Variants in POMT1 observed in about 807,000 individuals in gnomAD.
POMT1 encodes the protein protein O-mannosyltransferase 1.
POMT1 carries 85 observed loss-of-function variants against 101.6 expected under a neutral mutation model. That is an observed-to-expected ratio of 0.84 (90% CI 0.70 to 1.00). The LOEUF is 1.00. POMT1 is among the 50% of genes least tolerant of loss of function. POMT1 has a pLI of 0.00. For missense variants in POMT1, 857 were observed against 930.4 expected, an observed-to-expected ratio of 0.92 and a Z score of 1.03; for synonymous variants, 371 against 383.0, an observed-to-expected ratio of 0.97 and a Z score of 0.37.
chr9:131,518,692 T>G (rs1291702698), intron 14 of POMT1, 145 bp from the exon 15 acceptor site: 6 of 1,477,762 alleles, frequency 4.1e-6, no homozygotes, highest in Non-Finnish European at 5.7e-6. Flanking sequence ...TTTTGTAACT[T>G]CTCAGGATGG....
Position 131,522,206 on chromosome 9 carries a change from T to C in POMT1, c.1985T>C (p.Ile662Thr). 6.2e-7 allele frequency: 1 copy of C among 1,613,878 alleles called. No individual in the cohort carries two copies. The highest frequency in any genetic ancestry group is 8.5e-7 in the Non-Finnish European group (1 of 1,180,040). ...ILLLPVVLQHISDHLCRSQLQ... is the reference protein window; with the variant it reads ...ILLLPVVLQHTSDHLCRSQLQ... ...CTGCTCCCTGTGGTCCTGCAGCACA[T>C]CAGCGACCACCTGTGCAGGTACGGG... The change falls in exon 19 of 20, where the codon ATC becomes ACC. Residue 662 changes from isoleucine to threonine, a missense_variant. Physicochemically the swap from Ile to Thr is moderately conservative, Grantham distance 89 (BLOSUM62 -1). Transcript: ENST00000402686. The surrounding 1 kb of genome is among the most constrained non-coding windows in gnomAD (Gnocchi z 5.5).
At chr9:131,521,751 G>A (rs560601436) in intron 18 of POMT1, among the ~76,000 whole-genome samples, 3 of 152,334 alleles carry the variant, frequency 2.0e-5, no homozygotes, top group African/African-American at 7.2e-5. Flanking sequence ...CCCATGTTGC[G>A]TTAGAGGTGT....
In POMT1 at chr9:131,504,340, T is replaced by C. The variant is rs749867243; in HGVS notation, c.122T>C (p.Val41Ala). The change falls in exon 2 of 20, where the codon GTT becomes GCT. Residue 41 changes from valine (V) to alanine (A), a missense_variant and splice_region_variant. By Grantham distance (64) the Val-to-Ala change is moderately conservative. Coordinates refer to ENST00000402686, the MANE Select transcript of POMT1 (RefSeq NM_001077365.2). ...LWRLTYPRAV[V>A]FDEVYYGQYI... ...CGACTCACCTACCCGCGGGCTGTGG[T>C]GTAAGCTAAATGACTCCATTCCCAG... 6.2e-7 allele frequency: 1 copy of C among 1,614,182 alleles called. No homozygotes were observed. Among genetic ancestry groups the C allele is most frequent in the Non-Finnish European group, 8.5e-7 (1 of 1,180,028 alleles).
At chr9:131,518,590 T>C (rs1210294969) in intron 14 of POMT1, 53 bp downstream of exon 14, 1 of 1,534,044 alleles carries the variant, frequency 6.5e-7, no homozygotes, top group Non-Finnish European at 9.0e-7. Context: ...CTCCAGTCTG[T>C]TTCCCAAGCC....
chr9:131,517,443 A>C (rs1304394324), intron 13 of POMT1, among the ~76,000 whole-genome samples: 1 of 151,970 alleles, frequency 6.6e-6, no homozygotes, highest in Non-Finnish European at 1.5e-5. Flanking sequence ...GGACAGTCTG[A>C]TTTTTAAAAT....
chr9:131,518,266 G>A (rs1178054768), intron 13 of POMT1, 179 bp from the exon 14 acceptor site: 2 of 745,346 alleles, frequency 2.7e-6, no homozygotes, highest in East Asian at 2.6e-5. Flanking sequence ...GAGCAGCCCG[G>A]GGTGCTGTGG....
intron 9 of POMT1, 114 bp downstream of exon 9, chr9:131,510,529 C>A (rs965355207): frequency 4.5e-5 from 61 of 1,352,096 alleles, no homozygotes; most frequent in Middle Eastern, 2.3e-4. Context: ...CATGAAGAAT[C>A]CACATCCATA....
At chr9:131,510,985 AGT>A in intron 9 of POMT1, 2 of 265,844 alleles carry the variant, frequency 7.5e-6, no homozygotes, top group South Asian at 4.9e-5. Flanking sequence ...CCAGTGCTGT[AGT>A]GCTGTGTGTT....
At chr9:131,509,717 C>T (rs1946674720) in intron 6 of POMT1, 26 bp from the exon 7 acceptor site, 1 of 1,614,218 alleles carries the variant, frequency 6.2e-7, no homozygotes, top group South Asian at 1.1e-5. Context: ...CTATTTCTGT[C>T]TCCATCTGCT....
chr9:131,521,396 C>G lies in POMT1; in HGVS notation c.1749C>G (p.Leu583=), dbSNP rs755379319. The G allele has an allele frequency of 1.9e-6, 3 of 1,614,050 alleles. No individual in the cohort carries two copies. The highest frequency in any genetic ancestry group is 2.5e-6 in the Non-Finnish European group (3 of 1,180,028). Reference sequence around the variant, plus strand: ...TAGTGATCTGGGTTTCGGGCAGCCTCGCTCTGGCCATCTACGCCCTGCTGT... The same window carrying G: ...TAGTGATCTGGGTTTCGGGCAGCCTGGCTCTGGCCATCTACGCCCTGCTGT... ...GNIVIWVSGS[L]ALAIYALLSL... Residue 583 remains leucine, a synonymous_variant, in exon 18 of 20, where the codon CTC becomes CTG. Coordinates refer to ENST00000402686, the MANE Select transcript of POMT1 (RefSeq NM_001077365.2).
rs1046942693 is a variant in POMT1 at position 131,503,465 on chromosome 9, T to C, written c.-31+392T>C. On this transcript the variant is annotated intron_variant, in intron 1 of 19. Coordinates refer to ENST00000402686, the MANE Select transcript of POMT1 (RefSeq NM_001077365.2). The surrounding 1 kb of genome is among the most constrained non-coding windows in gnomAD (Gnocchi z 4.4). Reference sequence around the variant, plus strand: ...ATGGGACCTTTTGGGACGAAGGCGCTCAAGGCAGATGCAGCTCAGGGAGGG... The same window carrying C: ...ATGGGACCTTTTGGGACGAAGGCGCCCAAGGCAGATGCAGCTCAGGGAGGG... 8.3e-4 allele frequency among the ~76,000 whole-genome samples: 126 copies of C among 152,056 alleles called. No homozygotes were observed. The highest frequency in any genetic ancestry group is 3.4e-3 in the Middle Eastern group (1 of 294).
chr9:131,518,751 C>T (rs1310560302), intron 14 of POMT1, 86 bp from the exon 15 acceptor site: 44 of 1,603,392 alleles, frequency 2.7e-5, no homozygotes, highest in East Asian at 2.0e-4. Context: ...CAGCGTGACC[C>T]GGGCAGGGGT....
intron 13 of POMT1, among the ~76,000 whole-genome samples, chr9:131,517,832 G>C (rs148069464): frequency 6.6e-6 from 1 of 152,202 alleles, no homozygotes; most frequent in Non-Finnish European, 1.5e-5. Context: ...GTGCGCGCCC[G>C]GCCTGCGGCA....
At chr9:131,515,860 G>T (rs62580577) in intron 13 of POMT1, among the ~76,000 whole-genome samples, 712 of 12,368 alleles carry the variant, frequency 0.058, 12 homozygotes, top group Middle Eastern at 0.1. Flanking sequence ...CTTCCTCACA[G>T]GGAGCACTTT....
Position 131,504,298 on chromosome 9 carries a change from T to C in POMT1, c.80T>C (p.Leu27Ser). 1 of 1,614,208 alleles carries C rather than the reference T, an allele frequency of 6.2e-7. No homozygotes were observed. Among genetic ancestry groups the C allele is most frequent in the Non-Finnish European group, 8.5e-7 (1 of 1,180,028 alleles). The change falls in exon 2 of 20, where the codon TTA (leucine) becomes TCA (serine). Residue 27 changes from leucine (L) to serine (S), a missense_variant. Transcript: ENST00000402686. ...CTTGTGGCCCTGACTGGGATGGGGTTACTGAGCCGGCTGTGGCGACTCACC... is the reference window on the plus strand; with the variant it reads ...CTTGTGGCCCTGACTGGGATGGGGTCACTGAGCCGGCTGTGGCGACTCACC... ...LSLVALTGMGLLSRLWRLTYP... is the reference protein window; with the variant it reads ...LSLVALTGMGSLSRLWRLTYP...
In POMT1 at chr9:131,522,090, T is replaced by C; in HGVS notation, c.1869T>C (p.Gly623=). ...RWVLAGALCA[G]GWAVNYLPFF... ...TGCTGGCTGGGGCGCTGTGTGCCGG[T>C]GGCTGGGCAGTGAACTACCTCCCGT... Residue 623 remains glycine, a synonymous_variant, in exon 19 of 20, where the codon GGT becomes GGC. Coordinates refer to ENST00000402686, the MANE Select transcript of POMT1 (RefSeq NM_001077365.2). This position sits in a 1 kb window ranked among gnomAD's most constrained non-coding sequence, Gnocchi z 5.5. 3 of 1,614,122 alleles carry C rather than the reference T, an allele frequency of 1.9e-6. No homozygotes were observed.
intron 2 of POMT1, among the ~76,000 whole-genome samples, chr9:131,505,482 T>C (rs10793877): frequency 0.89 from 134,988 of 151,762 alleles, 60,700 homozygotes; most frequent in South Asian, 0.97. Context: ...AAGCTGATCT[T>C]GAACTCCTGA....
Position 131,519,969 on chromosome 9 carries a change from G to A in POMT1, c.1585-111G>A, listed in dbSNP as rs1006875429. 1.1e-5 allele frequency: 9 copies of A among 797,970 alleles called. No homozygotes were observed. The highest frequency in any genetic ancestry group is 3.4e-5 in the African/African-American group (2 of 58,866). The allele number at this position is 797,970 out of a possible 1,614,324, so 49.4% of individuals were successfully genotyped here. ...TCCGATGCATGATCCGAATGAACTT[G>A]AGCTGGGCCAGTCCACGTGCAAGGG... On this transcript the variant is annotated intron_variant, in intron 16 of 19. Transcript: ENST00000402686. The surrounding 1 kb of genome is among the most constrained non-coding windows in gnomAD (Gnocchi z 4.3).
In POMT1 at chr9:131,523,096, G is replaced by T. The variant is rs144051476; in HGVS notation, c.2168G>T (p.Arg723Leu). The T allele has an allele frequency of 2.5e-6, 4 of 1,610,764 alleles. No individual in the cohort carries two copies. In the East Asian group the frequency reaches 8.9e-5, roughly 36 times the overall value. The change falls in exon 20 of 20, where the codon CGA (arginine) becomes CTA (leucine). Residue 723 changes from arginine (R) to leucine (L), a missense_variant. Physicochemically the swap from Arg to Leu is moderately radical, Grantham distance 102. Transcript: ENST00000402686. ...RWKDSWDILI[R>L]KH ...AAAGACAGCTGGGACATCTTGATCC[G>T]AAAACACTAGAACAAGAGTGTGGCA...
Sources: gnomAD v4.1 joint callset for allele counts (sites outside exome capture counted in the v4.1 genomes callset) on GRCh38, gnomAD v4.1.1 for gene constraint, Gnocchi (gnomAD v3.1) non-coding constraint, MANE v1.5 for transcripts, NCBI Gene and HGNC (gene_info 2026-07-23, HGNC 2026-07-21) for gene names.